Variants in PHIP observed in about 807,000 individuals in gnomAD.
The protein encoded by PHIP is PHIP subunit of CUL4-Ring ligase complex, also known as PH-interacting protein.
Under a neutral mutation model 236.8 loss-of-function variants are expected in PHIP, and 54 were observed. That is an observed-to-expected ratio of 0.23 (90% confidence interval 0.18 to 0.29). The LOEUF (loss-of-function observed/expected upper bound fraction) is 0.29, where lower values mean the gene tolerates loss of function less well. Ranked by LOEUF, PHIP falls within the 10% of genes least tolerant of loss-of-function variation. PHIP has a pLI of 1.00. For missense variants in PHIP, 1,370 were observed against 2,190.8 expected (o/e 0.63, Z 7.48); for synonymous variants, 756 against 718.9 (o/e 1.05, Z -0.83).
intron 9 of PHIP, among the ~76,000 whole-genome samples, chr6:79,022,474 T>A (rs1300914426): frequency 6.6e-6 from 1 of 152,172 alleles, no homozygotes; most frequent in Non-Finnish European, 1.5e-5. Context: ...CAATGTAACC[T>A]GCTGTGCCCC....
intron 23 of PHIP, 103 bp from the exon 24 acceptor site, chr6:78,978,814 A>G: frequency 1.1e-6 from 1 of 934,632 alleles, no homozygotes; most frequent in Non-Finnish European, 1.6e-6. Context: ...TAAAAGGGGA[A>G]GGGCACCATT....
intron 4 of PHIP, among the ~76,000 whole-genome samples, chr6:79,067,039 A>C (rs893289815): frequency 6.6e-6 from 1 of 152,074 alleles, no homozygotes; most frequent in Non-Finnish European, 1.5e-5. Flanking sequence ...TAGGTGCGTT[A>C]CATCACACCT....
At chr6:79,023,295 G>C (rs922806849) in intron 9 of PHIP, among the ~76,000 whole-genome samples, 12 of 152,078 alleles carry the variant, frequency 7.9e-5, no homozygotes, top group Non-Finnish European at 4.4e-5. Context: ...ACAAGATCTT[G>C]CTCTGTTACT....
intron 10 of PHIP, among the ~76,000 whole-genome samples, chr6:79,018,611 T>A (rs1338023): frequency 6.6e-6 from 1 of 151,754 alleles, no homozygotes; most frequent in Non-Finnish European, 1.5e-5. Context: ...CAAATCTGAA[T>A]TGGAATCTTA....
At chr6:79,044,667 A>G (rs1462820201) in intron 6 of PHIP, among the ~76,000 whole-genome samples, 1 of 152,142 alleles carries the variant, frequency 6.6e-6, no homozygotes, top group Non-Finnish European at 1.5e-5. Context: ...CCTCTATCCA[A>G]AATTTCCAAA....
Position 79,005,315 on chromosome 6 carries a change from A to G in PHIP, c.1525-1457T>C, listed in dbSNP as rs989275109. Among the ~76,000 whole-genome samples the G allele has an allele frequency of 3.3e-5, 5 of 151,996 alleles. 1 individual carries two copies. The South Asian group carries it at 6.2e-4, about 19-fold the overall frequency. ...ACAATTCAAAAACAAGAAAGAATATAACTATTTCTCCAGATTACCATAAGG... is the reference window on the plus strand; with the variant it reads ...ACAATTCAAAAACAAGAAAGAATATGACTATTTCTCCAGATTACCATAAGG... On this transcript the variant is annotated intron_variant, in intron 15 of 39. Coordinates refer to ENST00000275034, the MANE Select transcript of PHIP (RefSeq NM_017934.7).
chr6:78,942,501 A>G (rs1218296196), intron 39 of PHIP, among the ~76,000 whole-genome samples: 3 of 152,124 alleles, frequency 2.0e-5, no homozygotes, highest in Non-Finnish European at 4.4e-5. Flanking sequence ...AAACAAAACA[A>G]AACAAAACAA....
At chr6:79,041,081 C>G (rs1475502533) in intron 7 of PHIP, among the ~76,000 whole-genome samples, 1 of 152,062 alleles carries the variant, frequency 6.6e-6, no homozygotes, top group South Asian at 2.1e-4. Context: ...CTGTACAGAG[C>G]TGGATAAATA....
Position 78,997,570 on chromosome 6 carries a change from T to C in PHIP, c.2045A>G (p.His682Arg). The C allele has an allele frequency of 6.2e-7, 1 of 1,613,804 alleles. No homozygotes were observed. Among genetic ancestry groups the C allele is most frequent in the Non-Finnish European group, 8.5e-7 (1 of 1,179,768 alleles). Residue 682 changes from histidine to arginine, a missense_variant, in exon 19 of 40, where the codon CAT becomes CGT. By Grantham distance (29) the His-to-Arg change is conservative. This residue lies in a region of PHIP where 133 missense variants were observed against 245.2 expected (regional missense o/e 0.54). Coordinates refer to ENST00000275034, the MANE Select transcript of PHIP (RefSeq NM_017934.7). ...RGSISSTSEV[H>R]SPPNVGLRRS... is the part of the protein sequence containing the mutation. Reference sequence around the variant, plus strand: ...TCTTAGTCCTACGTTTGGTGGTGAATGAACCTCTGAGGTAGAACTTATGGA... The same window carrying C: ...TCTTAGTCCTACGTTTGGTGGTGAACGAACCTCTGAGGTAGAACTTATGGA...
At position 78,935,512 on chromosome 6, in the gene PHIP, A is replaced by G; in HGVS notation, c.*5181T>C. On this transcript the variant is annotated 3_prime_UTR_variant, in exon 40 of 40. Coordinates refer to ENST00000275034, the MANE Select transcript of PHIP (RefSeq NM_017934.7). ...TATGCAAAGTGTTCCACTGAAATGT[A>G]TCTCTTACGAAAGTATCTGAATAGT... 1 of 978,868 alleles carries G rather than the reference A, an allele frequency of 1.0e-6. No homozygotes were observed. The highest frequency in any genetic ancestry group is 1.2e-6 in the Non-Finnish European group (1 of 824,000). 60.6% of individuals were successfully genotyped at this position (978,868 alleles called of 1,614,324 possible).
intron 23 of PHIP, among the ~76,000 whole-genome samples, chr6:78,979,019 A>G (rs969526223): frequency 1.1e-4 from 16 of 152,084 alleles, no homozygotes; most frequent in Non-Finnish European, 2.1e-4. Flanking sequence ...TAGGTATTAT[A>G]AATAATCTAG....
At chr6:79,065,810 T>C (rs1461574116) in intron 4 of PHIP, among the ~76,000 whole-genome samples, 2 of 136,990 alleles carry the variant, frequency 1.5e-5, no homozygotes, top group African/African-American at 5.5e-5. Flanking sequence ...ACACACAGAA[T>C]AAACAAAAAT....
intron 7 of PHIP, among the ~76,000 whole-genome samples, chr6:79,039,783 G>A (rs1025530004): frequency 5.9e-5 from 9 of 151,986 alleles, no homozygotes; most frequent in East Asian, 1.9e-4. Context: ...GCTTTTCTCC[G>A]TTAAATGTCA....
At position 79,058,641 on chromosome 6, in the gene PHIP, T is replaced by C. The variant is rs75951558; in HGVS notation, c.439+1837A>G. 3.4e-3 allele frequency among the ~76,000 whole-genome samples: 510 copies of C among 152,186 alleles called. 2 individuals are homozygous for C. Among genetic ancestry groups the C allele is most frequent in the African/African-American group, 0.011 (446 of 41,534 alleles). On this transcript the variant is annotated intron_variant, in intron 6 of 39. Transcript: ENST00000275034. ...CCATGCTTCAGTCTCCTCTGTAAAATAAGCATAATAGTTCCTACCTATAGA... is the reference window on the plus strand; with the variant it reads ...CCATGCTTCAGTCTCCTCTGTAAAACAAGCATAATAGTTCCTACCTATAGA...
At chr6:79,045,655 A>G (rs1395026665) in intron 6 of PHIP, among the ~76,000 whole-genome samples, 2 of 152,184 alleles carry the variant, frequency 1.3e-5, no homozygotes, top group Non-Finnish European at 2.9e-5. Flanking sequence ...GAGACCAATT[A>G]ATTTGAGTAA....
chr6:78,994,209 G>A (rs1198486812), intron 19 of PHIP, among the ~76,000 whole-genome samples: 4 of 152,226 alleles, frequency 2.6e-5, no homozygotes, highest in African/African-American at 9.6e-5. Context: ...AATGAACAAA[G>A]AGGTTTCTTG....
Position 78,970,102 on chromosome 6 carries a change from A to G in PHIP, c.3069T>C (p.Leu1023=). Residue 1023 remains leucine, a synonymous_variant, in exon 26 of 40, where the codon CTT becomes CTC. Coordinates refer to ENST00000275034, the MANE Select transcript of PHIP (RefSeq NM_017934.7). ...VGLPTLCCLK[L]AFLDPDTGKL... is the part of the protein sequence containing the mutation. ...TACCAGTATCAGGATCTAGAAAAGC[A>G]AGTTTAAGGCAGCAAAGGGTAGGTA... 6.2e-7 allele frequency: 1 copy of G among 1,613,502 alleles called. No homozygotes were observed. The highest frequency in any genetic ancestry group is 8.5e-7 in the Non-Finnish European group (1 of 1,179,510).
At chr6:78,979,201 T>A (rs544146355) in intron 23 of PHIP, among the ~76,000 whole-genome samples, 1 of 152,070 alleles carries the variant, frequency 6.6e-6, no homozygotes, top group African/African-American at 2.4e-5. Context: ...ACACTTATTC[T>A]AGAAAAAATG....
rs918853180 is a variant in PHIP at position 78,937,394 on chromosome 6, A to C, written c.*3299T>G. ...ATATAAGATAAAAATATTTGAATAC[A>C]TTTCTTAAAATGTCTGATTCCTCTA... On this transcript the variant is annotated 3_prime_UTR_variant, in exon 40 of 40. Transcript: ENST00000275034. 2.0e-5 allele frequency: 3 copies of C among 151,764 alleles called. No individual in the cohort carries two copies. Among genetic ancestry groups the C allele is most frequent in the African/African-American group, 7.2e-5 (3 of 41,426 alleles). 9.4% of individuals were successfully genotyped at this position (151,764 alleles called of 1,614,324 possible).
Sources: allele counts gnomAD v4.1 joint callset (sites outside exome capture counted in the v4.1 genomes callset), GRCh38; gene constraint gnomAD v4.1.1; regional missense constraint gnomAD v4.1.1; transcripts MANE v1.5; gene names NCBI Gene and HGNC (gene_info 2026-07-23, HGNC 2026-07-21).